Variants in DPYSL3 observed in about 807,000 individuals in gnomAD.
The protein encoded by DPYSL3 is dihydropyrimidinase-related protein 3.
DPYSL3 carries 16 observed loss-of-function variants against 66.1 expected under a neutral mutation model. The ratio of observed to expected loss-of-function variants is 0.24; its 90% confidence interval spans 0.16 to 0.37. The LOEUF (loss-of-function observed/expected upper bound fraction) is 0.37, where lower values mean the gene tolerates loss of function less well. Among genes scored for constraint, DPYSL3 ranks in the 10% least tolerant of loss-of-function variants. The probability of loss-of-function intolerance (pLI) is 1.00; values close to 1 mark genes in which losing one functional copy is unlikely to be tolerated. For synonymous variants in DPYSL3, 338 were observed against 345.1 expected (o/e 0.98, Z 0.23); for missense variants, 738 against 916.2 (o/e 0.81, Z 2.51).
intron 6 of DPYSL3, among the ~76,000 whole-genome samples, chr5:147,409,895 T>A (rs545941241): frequency 6.6e-6 from 1 of 152,324 alleles, no homozygotes; most frequent in Non-Finnish European, 1.5e-5. Flanking sequence ...AAGAACGTTC[T>A]GTTTTTTGTT....
rs1165821644 is a variant in DPYSL3, at chr5:147,456,803, C to T, written c.382-31840G>A. Among the ~76,000 whole-genome samples, 15 of 152,030 alleles carry T rather than the reference C, an allele frequency of 9.9e-5. 1 individual carries two copies. Among genetic ancestry groups the T allele is most frequent in the Non-Finnish European group, 2.9e-5 (2 of 67,974 alleles). ...AGGGGGTTTCACCATGTTGGCCATG[C>T]TGGTCTCGAACTCCTGACCTCATGT... is the stretch of plus-strand genomic sequence containing the variant. On this transcript the variant is annotated intron_variant, in intron 1 of 13. Transcript: ENST00000343218.
chr5:147,478,274 C>T, intron 1 of DPYSL3, among the ~76,000 whole-genome samples: 1 of 152,174 alleles, frequency 6.6e-6, no homozygotes, highest in East Asian at 1.9e-4. Flanking sequence ...TTGCATTCAG[C>T]TCTGCATAAC....
chr5:147,394,267 C>T (rs1757905968), intron 13 of DPYSL3, 144 bp from the exon 14 acceptor site: 1 of 804,162 alleles, frequency 1.2e-6, no homozygotes, highest in African/African-American at 1.7e-5. Context: ...AACTTCCATT[C>T]CAGTCTATCA....
chr5:147,449,205 G>T (rs571694068), intron 1 of DPYSL3, among the ~76,000 whole-genome samples: 31 of 152,198 alleles, frequency 2.0e-4, no homozygotes, highest in Admixed American at 2.0e-3. Flanking sequence ...CTGCTGCAGA[G>T]ATCTGGGTGT....
At chr5:147,462,113 C>T (rs1230210038) in intron 1 of DPYSL3, among the ~76,000 whole-genome samples, 1 of 152,150 alleles carries the variant, frequency 6.6e-6, no homozygotes, top group African/African-American at 2.4e-5. Flanking sequence ...GAGCATGACT[C>T]AATCAAGAGC....
chr5:147,453,509 A>T, intron 1 of DPYSL3: 1 of 1,515,914 alleles, frequency 6.6e-7, no homozygotes, highest in Non-Finnish European at 8.8e-7. Flanking sequence ...GCGGACAGGG[A>T]GCGAGCGAGG....
At chr5:147,447,850 GACAA>G (rs759800793) in intron 1 of DPYSL3, among the ~76,000 whole-genome samples, 7 of 151,988 alleles carry the variant, frequency 4.6e-5, no homozygotes, top group Non-Finnish European at 8.8e-5. Context: ...AAAAACAAAA[GACAA>G]ACAAACAAAC....
chr5:147,446,930 G>A (rs868620286), intron 1 of DPYSL3, among the ~76,000 whole-genome samples: 10 of 152,210 alleles, frequency 6.6e-5, no homozygotes, highest in Non-Finnish European at 1.2e-4. Context: ...GGCTAATGGC[G>A]GGAGGAGGTA....
chr5:147,441,951 T>G (rs1752540231), intron 1 of DPYSL3, among the ~76,000 whole-genome samples: 1 of 152,226 alleles, frequency 6.6e-6, no homozygotes, highest in Admixed American at 6.5e-5. Context: ...TCAATTGCCT[T>G]AAAACCCTCT....
At chr5:147,493,240 T>C (rs1285125141) in intron 1 of DPYSL3, among the ~76,000 whole-genome samples, 1 of 152,090 alleles carries the variant, frequency 6.6e-6, no homozygotes, top group Non-Finnish European at 1.5e-5. Context: ...ATGAATCCAT[T>C]ATGATAGTTG....
Position 147,405,660 on chromosome 5 carries a change from T to C in DPYSL3, c.1103A>G (p.Lys368Arg). ...SQTNCPLYVT[K>R]VMSKSAADLI... ...GTCAGCTGCACTCTTGCTCATGACC[T>C]TTGTGACGTAGAGAGGGCAATTGGT... The change falls in exon 8 of 14, where the codon AAG becomes AGG. Residue 368 changes from lysine to arginine, a missense_variant. Coordinates refer to ENST00000343218, the MANE Select transcript of DPYSL3 (RefSeq NM_001197294.2). 6.2e-7 allele frequency: 1 copy of C among 1,614,040 alleles called. No homozygotes were observed. Among genetic ancestry groups the C allele is most frequent in the Non-Finnish European group, 8.5e-7 (1 of 1,179,942 alleles).
At position 147,465,054 on chromosome 5, in the gene DPYSL3, C is replaced by T. The variant is rs556551890; in HGVS notation, c.382-40091G>A. Among the ~76,000 whole-genome samples, 7 of 152,134 alleles carry T rather than the reference C, an allele frequency of 4.6e-5. No homozygotes were observed. The East Asian group carries it at 7.7e-4, about 17-fold the overall frequency. On this transcript the variant is annotated intron_variant, in intron 1 of 13. Transcript: ENST00000343218. The stretch of plus-strand genomic sequence containing the variant: ...ACAAAAGTTTTAAAAATTAGCTGAA[C>T]GTGGTGGCACATGCCTGTAATTCCA...
chr5:147,467,772 T>C (rs1201600998), intron 1 of DPYSL3, among the ~76,000 whole-genome samples: 1 of 152,214 alleles, frequency 6.6e-6, no homozygotes, highest in Non-Finnish European at 1.5e-5. Flanking sequence ...TATAACAAAA[T>C]ATCTTAGACT....
intron 1 of DPYSL3, among the ~76,000 whole-genome samples, chr5:147,486,049 A>G (rs1182107405): frequency 1.3e-5 from 2 of 152,228 alleles, no homozygotes; most frequent in African/African-American, 4.8e-5. Flanking sequence ...GACACATGCC[A>G]CAACATGGAT....
chr5:147,448,424 T>A (rs1313985343), intron 1 of DPYSL3, among the ~76,000 whole-genome samples: 3 of 152,262 alleles, frequency 2.0e-5, no homozygotes, highest in Non-Finnish European at 4.4e-5. Context: ...AGTTTTTATA[T>A]AACGCTGTTT....
chr5:147,413,539 A>G, intron 5 of DPYSL3, 57 bp downstream of exon 5: 1 of 1,409,108 alleles, frequency 7.1e-7, no homozygotes, highest in African/African-American at 1.4e-5. Flanking sequence ...CAAGGTCATC[A>G]ACAACAATAG....
Position 147,418,200 on chromosome 5 carries a change from G to A in DPYSL3, c.655+247C>T, listed in dbSNP as rs560005826. Among the ~76,000 whole-genome samples the A allele has an allele frequency of 5.9e-5, 9 of 152,234 alleles. No homozygotes were observed. The South Asian group carries it at 6.2e-4, about 11-fold the overall frequency. On this transcript the variant is annotated intron_variant, in intron 3 of 13. Coordinates refer to ENST00000343218, the MANE Select transcript of DPYSL3 (RefSeq NM_001197294.2). The stretch of plus-strand genomic sequence containing the variant: ...TTCTCCACTCATTGCAGGAGCCAGC[G>A]CCTGCTGCTAAGGTAGACAAGAGGG...
chr5:147,412,246 C>T (rs1417821376), intron 6 of DPYSL3, among the ~76,000 whole-genome samples: 4 of 152,192 alleles, frequency 2.6e-5, no homozygotes, highest in Admixed American at 6.5e-5. Flanking sequence ...TGCTGCCTTA[C>T]GGTCTTTCTT....
rs534713919 is a variant in DPYSL3 at position 147,479,583 on chromosome 5, G to A, written c.381+29895C>T. Among the ~76,000 whole-genome samples the A allele has an allele frequency of 1.2e-3, 184 of 152,316 alleles. 4 individuals are homozygous for A. In the South Asian group the frequency reaches 0.037, roughly 30 times the overall value. ...AGAATCCCACATCAGAGCAACCACA[G>A]AGCCAATCTAAGACAGGCATCTTAT... is the stretch of plus-strand genomic sequence containing the variant. On this transcript the variant is annotated intron_variant, in intron 1 of 13. Transcript: ENST00000343218.
Sources: gnomAD v4.1 joint callset for allele counts (sites outside exome capture counted in the v4.1 genomes callset) on GRCh38, gnomAD v4.1.1 for gene constraint, MANE v1.5 for transcripts, NCBI Gene and HGNC (gene_info 2026-07-23, HGNC 2026-07-21) for gene names.